Variants in HECW1 observed in about 807,000 individuals in gnomAD.
The protein encoded by HECW1 is HECT, C2 and WW domain containing E3 ubiquitin protein ligase 1.
HECW1 carries 61 observed loss-of-function variants against 182.3 expected under a neutral mutation model. That is an observed-to-expected ratio of 0.33 (90% CI 0.27 to 0.41). The LOEUF is 0.41. Ranked by LOEUF, HECW1 falls within the 10% of genes least tolerant of loss-of-function variation. The pLI, the probability that HECW1 is intolerant of heterozygous loss-of-function variation, is 1.00. For synonymous variants in HECW1, 859 were observed against 832.6 expected, an observed-to-expected ratio of 1.03 and a Z score of -0.55; for missense variants, 1,739 against 2,108.9, an observed-to-expected ratio of 0.82 and a Z score of 3.44.
Position 43,408,066 on chromosome 7 carries a change from C to T in HECW1, c.801+335C>T, listed in dbSNP as rs559205608. Among the ~76,000 whole-genome samples, 70 of 152,284 alleles carry T rather than the reference C, an allele frequency of 4.6e-4. 2 individuals are homozygous for T. The South Asian group carries it at 0.014, about 31-fold the overall frequency. On this transcript the variant is annotated intron_variant, in intron 8 of 29. Transcript: ENST00000395891. ...TGATCAGAGCCTTCCAGTTTCTCCA[C>T]AGCTCTTCCCATGCATGTGATCCTT... is the stretch of plus-strand genomic sequence containing the variant.
rs374337973 is a variant in HECW1 at position 43,310,931 on chromosome 7, A to G, written c.28-832A>G. 5.3e-5 allele frequency among the ~76,000 whole-genome samples: 8 copies of G among 152,348 alleles called. No individual in the cohort carries two copies. The East Asian group carries it at 1.2e-3, about 22-fold the overall frequency. ...AATTTTAATATACTTTGATGAAGTC[A>G]GAATCACCCTTGCTTGTTTCTGCAT... On this transcript the variant is annotated intron_variant, in intron 3 of 29. Coordinates refer to ENST00000395891, the MANE Select transcript of HECW1 (RefSeq NM_015052.5).
chr7:43,237,628 G>A (rs146811848), intron 2 of HECW1, among the ~76,000 whole-genome samples: 102 of 152,318 alleles, frequency 6.7e-4, no homozygotes, highest in African/African-American at 2.2e-3. Flanking sequence ...TATGTGTAAA[G>A]CAAGATGAGC....
chr7:43,465,601 C>T (rs1365661220), intron 14 of HECW1, among the ~76,000 whole-genome samples: 3 of 152,208 alleles, frequency 2.0e-5, no homozygotes, highest in African/African-American at 7.2e-5. Flanking sequence ...GGCACAAGGC[C>T]AGCCCCAATT....
intron 13 of HECW1, among the ~76,000 whole-genome samples, chr7:43,458,531 G>A (rs2077477533): frequency 6.6e-6 from 1 of 152,168 alleles, no homozygotes; most frequent in East Asian, 1.9e-4. Flanking sequence ...ATAGGAAGTT[G>A]CATTTGCTAC....
At chr7:43,403,173 AAAAC>A (rs1211344485) in intron 7 of HECW1, among the ~76,000 whole-genome samples, 1 of 152,220 alleles carries the variant, frequency 6.6e-6, no homozygotes, top group Non-Finnish European at 1.5e-5. Context: ...TAACAAGAGA[AAAAC>A]AAACAGAAGT....
chr7:43,272,254 C>A (rs1455504717), intron 3 of HECW1, among the ~76,000 whole-genome samples: 3 of 152,014 alleles, frequency 2.0e-5, no homozygotes, highest in Non-Finnish European at 4.4e-5. Context: ...ACCTAGGAAA[C>A]ACCATTCTGG....
chr7:43,260,316 G>A (rs1488208665), intron 3 of HECW1, among the ~76,000 whole-genome samples: 1 of 152,086 alleles, frequency 6.6e-6, no homozygotes, highest in African/African-American at 2.4e-5. Context: ...AGTAGGCACT[G>A]AGAAGGGAAG....
intron 5 of HECW1, among the ~76,000 whole-genome samples, chr7:43,329,392 A>C (rs1811179229): frequency 6.6e-6 from 1 of 152,082 alleles, no homozygotes; most frequent in Non-Finnish European, 1.5e-5. Flanking sequence ...TGGCGAGAAG[A>C]CTGTAAGGTG....
rs187894782 is a variant in HECW1, at chr7:43,178,137, G to C, written c.-32+63746G>C. ...CAATTCTGCTTCAGCCTCCAAAGTA[G>C]CTGGTACTACAGGTGCCCACCACCA... On this transcript the variant is annotated intron_variant, in intron 2 of 29. Transcript: ENST00000395891. 3.8e-3 allele frequency among the ~76,000 whole-genome samples: 576 copies of C among 152,260 alleles called. 1 individual carries two copies. The highest frequency in any genetic ancestry group is 0.014 in the Middle Eastern group (4 of 294).
In HECW1 at chr7:43,483,374, GACAAA is replaced by G. The variant is rs377579443; in HGVS notation, c.3234+3639_3234+3643del. 6.8e-3 allele frequency among the ~76,000 whole-genome samples: 1,029 copies of G among 151,878 alleles called. 8 individuals are homozygous for G. The highest frequency in any genetic ancestry group is 0.023 in the African/African-American group (958 of 41,402). ...TGCCCCCAGTTCCCCAAGTCATTAT[GACAAA>G]ACAAAACAGAACAGCCCCCCAGCAT... On this transcript the variant is annotated intron_variant, in intron 17 of 29. Transcript: ENST00000395891.
At chr7:43,292,535 C>T (rs1435632816) in intron 3 of HECW1, among the ~76,000 whole-genome samples, 1 of 152,166 alleles carries the variant, frequency 6.6e-6, no homozygotes, top group Non-Finnish European at 1.5e-5. Flanking sequence ...TGCTGTGTCA[C>T]CTGAAATTCC....
At chr7:43,370,936 G>A (rs1817269388) in intron 6 of HECW1, among the ~76,000 whole-genome samples, 2 of 148,678 alleles carry the variant, frequency 1.3e-5, no homozygotes, top group Non-Finnish European at 3.0e-5. Context: ...CACCCAGGCT[G>A]GAGTGCAGTG....
chr7:43,360,761 G>A (rs755486927), intron 5 of HECW1, 125 bp from the exon 6 acceptor site: 9 of 718,774 alleles, frequency 1.3e-5, no homozygotes, highest in African/African-American at 3.5e-5. Context: ...CATCATTGTC[G>A]AGTGTGGCCT....
intron 24 of HECW1, among the ~76,000 whole-genome samples, chr7:43,519,738 C>G (rs1403626985): frequency 6.6e-6 from 1 of 152,092 alleles, no homozygotes; most frequent in Non-Finnish European, 1.5e-5. Context: ...AGAACCTTAC[C>G]AGGTGATAGA....
chr7:43,295,720 CT>C (rs1805965264), intron 3 of HECW1, among the ~76,000 whole-genome samples: 1 of 152,094 alleles, frequency 6.6e-6, no homozygotes, highest in African/African-American at 2.4e-5. Flanking sequence ...TAGAAGAGAC[CT>C]TTGTTTATAT....
At chr7:43,265,186 C>T (rs370705974) in intron 3 of HECW1, among the ~76,000 whole-genome samples, 3 of 152,138 alleles carry the variant, frequency 2.0e-5, no homozygotes, top group African/African-American at 4.8e-5. Flanking sequence ...TCATTCTAGC[C>T]GCTCTTGGTC....
At chr7:43,188,144 T>G (rs1793583207) in intron 2 of HECW1, among the ~76,000 whole-genome samples, 1 of 152,184 alleles carries the variant, frequency 6.6e-6, no homozygotes. Flanking sequence ...TTCAAAGGGA[T>G]TGTTTTCGTG....
intron 3 of HECW1, among the ~76,000 whole-genome samples, chr7:43,309,948 C>A (rs184317990): frequency 1.3e-5 from 2 of 152,256 alleles, no homozygotes; most frequent in Admixed American, 6.5e-5. Flanking sequence ...ACTTGACTTG[C>A]ATTGTCTCAT....
intron 5 of HECW1, among the ~76,000 whole-genome samples, chr7:43,332,266 T>C (rs1412742914): frequency 6.6e-6 from 1 of 152,134 alleles, no homozygotes; most frequent in Non-Finnish European, 1.5e-5. Context: ...AAAATGAATC[T>C]CTTTTGCTCA....
Sources: allele counts gnomAD v4.1 joint callset (sites outside exome capture counted in the v4.1 genomes callset), GRCh38; gene constraint gnomAD v4.1.1; transcripts MANE v1.5; gene names NCBI Gene and HGNC (gene_info 2026-07-23, HGNC 2026-07-21).